Variants in MED26 observed in about 807,000 individuals in gnomAD.
MED26 encodes mediator of RNA polymerase II transcription subunit 26.
MED26 carries 7 observed loss-of-function variants against 43.7 expected under a neutral mutation model. The observed-to-expected ratio is 0.16, with a 90% confidence interval of 0.09 to 0.30. MED26 has a LOEUF of 0.30. Among genes scored for constraint, MED26 ranks in the 10% least tolerant of loss-of-function variants. The pLI is 1.00. For missense variants in MED26, 784 were observed against 840.6 expected, an observed-to-expected ratio of 0.93 and a Z score of 0.83; for synonymous variants, 375 against 371.1, an observed-to-expected ratio of 1.01 and a Z score of -0.12.
chr19:16,607,395 AG>A (rs2086178884), intron 1 of MED26, among the ~76,000 whole-genome samples: 1 of 150,236 alleles, frequency 6.7e-6, no homozygotes, highest in Non-Finnish European at 1.5e-5. Flanking sequence ...AAAAAAAAAA[AG>A]GAGCATGTCC....
intron 2 of MED26, 21 bp downstream of exon 2, chr19:16,578,314 G>A (rs1201009604): frequency 1.2e-6 from 2 of 1,610,726 alleles, no homozygotes; most frequent in Non-Finnish European, 1.7e-6. Flanking sequence ...CCTCCCAAAT[G>A]CTGGGGTCTG....
chr19:16,608,521 C>T (rs769772505), intron 1 of MED26, among the ~76,000 whole-genome samples: 3 of 152,238 alleles, frequency 2.0e-5, no homozygotes, highest in Non-Finnish European at 2.9e-5. Context: ...TCAGTAAACA[C>T]TATAAATCAG....
Position 16,577,121 on chromosome 19 carries a change from T to C in MED26, c.709A>G (p.Lys237Glu). 2 of 1,613,170 alleles carry C rather than the reference T, an allele frequency of 1.2e-6. No individual in the cohort carries two copies. Among genetic ancestry groups the C allele is most frequent in the Non-Finnish European group, 1.7e-6 (2 of 1,179,806 alleles). The change falls in exon 3 of 3, where the codon AAG (lysine) becomes GAG (glutamate). Residue 237 changes from lysine to glutamate, a missense_variant. By Grantham distance (56) the Lys-to-Glu change is moderately conservative. This residue lies in a region of MED26 where 719 missense variants were observed against 730.9 expected (regional missense o/e 0.98). Coordinates refer to ENST00000263390, the MANE Select transcript of MED26 (RefSeq NM_004831.5). The surrounding 1 kb of genome is among the most constrained non-coding windows in gnomAD (Gnocchi z 8.1). ...GGCTGCAAGCAGGGTCCAGGGGGCT[T>C]GCCCAGGCCCGGGGAGCTGGTGTGC... ...RPHTSSPGLG[K>E]PPGPCLQPKA...
chr19:16,618,018 G>C (rs547559962), intron 1 of MED26, among the ~76,000 whole-genome samples: 1 of 152,132 alleles, frequency 6.6e-6, no homozygotes, highest in African/African-American at 2.4e-5. Flanking sequence ...GGCTGCAAAA[G>C]AAAGATCACT....
intron 1 of MED26, among the ~76,000 whole-genome samples, chr19:16,625,641 G>A (rs544992664): frequency 9.1e-4 from 138 of 151,976 alleles, no homozygotes; most frequent in African/African-American, 3.2e-3. Flanking sequence ...GCGGCACGCC[G>A]GCAGCACCTG....
chr19:16,580,374 G>GTT (rs111862879), intron 1 of MED26, among the ~76,000 whole-genome samples: 31 of 144,864 alleles, frequency 2.1e-4, no homozygotes, highest in African/African-American at 7.6e-4. Flanking sequence ...CTCTTATTTT[G>GTT]TTTTTTTTTT....
At chr19:16,591,472 T>C (rs901812032) in intron 1 of MED26, among the ~76,000 whole-genome samples, 6 of 152,202 alleles carry the variant, frequency 3.9e-5, no homozygotes, top group African/African-American at 1.4e-4. Context: ...GCATCCTAAT[T>C]GTAGCTTTGG....
At chr19:16,606,932 A>T (rs2086176185) in intron 1 of MED26, among the ~76,000 whole-genome samples, 1 of 152,236 alleles carries the variant, frequency 6.6e-6, no homozygotes, top group Non-Finnish European at 1.5e-5. Flanking sequence ...TGTGTTGGTC[A>T]GTCTGGTCTC....
Position 16,577,789 on chromosome 19 carries a change from A to G in MED26, c.148-107T>C, listed in dbSNP as rs761167382. On this transcript the variant is annotated intron_variant, in intron 2 of 2. Transcript: ENST00000263390. This position sits in a 1 kb window ranked among gnomAD's most constrained non-coding sequence, Gnocchi z 8.1. Reference sequence around the variant, plus strand: ...CTGACAGTGAAATGACCCGGTTCCCACTGAGCCCTAAACTGCCAGCTTCCC... The same window carrying G: ...CTGACAGTGAAATGACCCGGTTCCCGCTGAGCCCTAAACTGCCAGCTTCCC... 1.8e-4 allele frequency: 147 copies of G among 825,280 alleles called. No homozygotes were observed. The highest frequency in any genetic ancestry group is 2.5e-4 in the Non-Finnish European group (134 of 540,376). The allele number at this position is 825,280 out of a possible 1,614,324, so 51.1% of individuals were successfully genotyped here.
intron 1 of MED26, among the ~76,000 whole-genome samples, chr19:16,604,926 C>T (rs1036614131): frequency 6.6e-6 from 1 of 152,168 alleles, no homozygotes; most frequent in Non-Finnish European, 1.5e-5. Context: ...GGTGCTGTTA[C>T]CCCATTTTCC....
chr19:16,625,168 T>C (rs772397183), intron 1 of MED26, among the ~76,000 whole-genome samples: 1 of 152,200 alleles, frequency 6.6e-6, no homozygotes, highest in African/African-American at 2.4e-5. Context: ...TCTGAAAAAC[T>C]GTTAGTAGCC....
chr19:16,599,089 G>C (rs557412448), intron 1 of MED26, among the ~76,000 whole-genome samples: 1 of 152,284 alleles, frequency 6.6e-6, no homozygotes, highest in African/African-American at 2.4e-5. Context: ...AGGAAGCCTG[G>C]GGGAAGAGAC....
chr19:16,619,781 C>T (rs1437162604), intron 1 of MED26, among the ~76,000 whole-genome samples: 21 of 152,132 alleles, frequency 1.4e-4, no homozygotes, highest in Admixed American at 1.4e-3. Flanking sequence ...ATGCTGTGCA[C>T]CCAGCACACG....
intron 1 of MED26, among the ~76,000 whole-genome samples, chr19:16,606,101 C>T (rs2086171961): frequency 1.3e-5 from 2 of 152,194 alleles, no homozygotes; most frequent in Non-Finnish European, 2.9e-5. Flanking sequence ...TCGCCCTTAG[C>T]GGGTCATCTG....
rs745325191 is a variant in MED26 at position 16,586,503 on chromosome 19, C to CA, written c.73-8095dup. Among the ~76,000 whole-genome samples, 4 of 152,272 alleles carry CA rather than the reference C, an allele frequency of 2.6e-5. No homozygotes were observed. The highest frequency in any genetic ancestry group is 9.6e-5 in the African/African-American group (4 of 41,476). On this transcript the variant is annotated intron_variant, in intron 1 of 2. Coordinates refer to ENST00000263390, the MANE Select transcript of MED26 (RefSeq NM_004831.5). The surrounding 1 kb of genome is among the most constrained non-coding windows in gnomAD (Gnocchi z 5.1). ...CTCCTGCAGTGAAATGCACAGGTTA[C>CA]AAACAGTTCCTTGAACCCACACAGG...
At position 16,577,509 on chromosome 19, in the gene MED26, G is replaced by A. The variant is rs367848015; in HGVS notation, c.321C>T (p.Gly107=). ...LAGATGSANG[G]AHNCRPEVGA... Reference sequence around the variant, plus strand: ...CCACCTCCGGCCGGCAGTTGTGTGCGCCCCCGTTGGCAGAGCCGGTGGCCC... The same window carrying A: ...CCACCTCCGGCCGGCAGTTGTGTGCACCCCCGTTGGCAGAGCCGGTGGCCC... Residue 107 remains glycine, a synonymous_variant, in exon 3 of 3, where the codon GGC becomes GGT. Transcript: ENST00000263390. The surrounding 1 kb of genome is among the most constrained non-coding windows in gnomAD (Gnocchi z 8.1). 143 of 1,596,806 alleles carry A rather than the reference G, an allele frequency of 9.0e-5. 1 individual carries two copies. The South Asian group carries it at 1.1e-3, about 13-fold the overall frequency.
intron 1 of MED26, among the ~76,000 whole-genome samples, chr19:16,583,550 A>G (rs2086056077): frequency 6.6e-6 from 1 of 152,166 alleles, no homozygotes; most frequent in Admixed American, 6.5e-5. Context: ...TGCAGCTACT[A>G]GGAGAAGCAG....
chr19:16,617,976 C>CA (rs1461918209), intron 1 of MED26, among the ~76,000 whole-genome samples: 1 of 152,164 alleles, frequency 6.6e-6, no homozygotes, highest in Non-Finnish European at 1.5e-5. Flanking sequence ...GAGAGCCCCC[C>CA]CAGAAACACA....
At chr19:16,608,692 G>A (rs1285904250) in intron 1 of MED26, among the ~76,000 whole-genome samples, 2 of 152,188 alleles carry the variant, frequency 1.3e-5, no homozygotes, top group Admixed American at 6.5e-5. Context: ...AAGTTTTACT[G>A]GAACACAGTC....
Sources: gnomAD v4.1 joint callset for allele counts (sites outside exome capture counted in the v4.1 genomes callset) on GRCh38, gnomAD v4.1.1 for gene constraint, gnomAD v4.1.1 regional missense constraint, Gnocchi (gnomAD v3.1) non-coding constraint, MANE v1.5 for transcripts, NCBI Gene and HGNC (gene_info 2026-07-23, HGNC 2026-07-21) for gene names.